PCDHGB1: variants seen among roughly 807,000 people sequenced by gnomAD.
PCDHGB1 encodes the protein protocadherin gamma-B1.
In PCDHGB1, 34 loss-of-function variants were observed where a neutral mutation model predicts 56.6. That is an observed-to-expected ratio of 0.60 (90% CI 0.46 to 0.80). The LOEUF is 0.80. Ranked by LOEUF, PCDHGB1 falls within the 30% of genes least tolerant of loss-of-function variation. The probability of loss-of-function intolerance (pLI) is 0.00; values close to 1 mark genes in which losing one functional copy is unlikely to be tolerated. For missense variants in PCDHGB1, 1,278 were observed against 1,204.6 expected, an observed-to-expected ratio of 1.06 and a Z score of -0.90; for synonymous variants, 561 against 505.9, an observed-to-expected ratio of 1.11 and a Z score of -1.46.
chr5:141,422,310 T>A, intron 1 of PCDHGB1: 1 of 1,546,532 alleles, frequency 6.5e-7, no homozygotes, highest in Non-Finnish European at 8.7e-7. Flanking sequence ...TGGAAAACTC[T>A]CCTCCAGGTA....
intron 1 of PCDHGB1, chr5:141,361,485 A>T (rs1762045132): frequency 2.5e-6 from 4 of 1,614,034 alleles, no homozygotes; most frequent in Non-Finnish European, 3.4e-6. Flanking sequence ...ATAATGCCCC[A>T]GTTTTCCAAC....
intron 1 of PCDHGB1, chr5:141,372,326 C>T (rs760968250): frequency 3.3e-5 from 54 of 1,613,610 alleles, no homozygotes; most frequent in Non-Finnish European, 4.3e-5. Context: ...GCCTGCTGGT[C>T]ACTGTGCGTG....
At chr5:141,360,192 C>G (rs754322623) in intron 1 of PCDHGB1, 2 of 1,611,798 alleles carry the variant, frequency 1.2e-6, no homozygotes, top group Non-Finnish European at 1.7e-6. Context: ...TACTGTTGCC[C>G]TTCCTGTTGT....
At chr5:141,420,311 T>C (rs762191274) in intron 1 of PCDHGB1, 102 of 1,454,698 alleles carry the variant, frequency 7.0e-5, no homozygotes, top group Non-Finnish European at 9.3e-5. Flanking sequence ...CTTTTTATAT[T>C]ACAATATGCC....
chr5:141,394,077 G>T (rs2092915591), intron 1 of PCDHGB1: 2 of 1,613,828 alleles, frequency 1.2e-6, no homozygotes, highest in Non-Finnish European at 1.7e-6. Context: ...CAATATCACA[G>T]TGATGGCCTC....
chr5:141,455,495 G>C (rs2098824459), intron 1 of PCDHGB1, among the ~76,000 whole-genome samples: 1 of 152,204 alleles, frequency 6.6e-6, no homozygotes, highest in East Asian at 1.9e-4. Flanking sequence ...GGTGATGTCT[G>C]ATTTGCATAG....
At chr5:141,437,249 T>G (rs2097870737) in intron 1 of PCDHGB1, among the ~76,000 whole-genome samples, 1 of 152,240 alleles carries the variant, frequency 6.6e-6, no homozygotes, top group African/African-American at 2.4e-5. Context: ...GGACTTTCCT[T>G]GTCTTTTTAT....
rs748105196 is a variant in PCDHGB1 at position 141,486,849 on chromosome 5, A to G, written c.2410-7958A>G. ...GTTCGTCTATTTGTGCTGGACCTCA[A>G]TGACAATGCTCCAGCTGTGCTCCGT... is the stretch of plus-strand genomic sequence containing the variant. On this transcript the variant is annotated intron_variant, in intron 1 of 3. Coordinates refer to ENST00000523390, the MANE Select transcript of PCDHGB1 (RefSeq NM_018922.3). The surrounding 1 kb of genome is among the most constrained non-coding windows in gnomAD (Gnocchi z 5.0). 4.3e-6 allele frequency: 7 copies of G among 1,614,110 alleles called. No individual in the cohort carries two copies. The highest frequency in any genetic ancestry group is 5.1e-6 in the Non-Finnish European group (6 of 1,180,036).
chr5:141,432,511 C>T lies in PCDHGB1; in HGVS notation c.2410-62296C>T. ...AGCTGGCTCCCCGCTCCGCAGAGCC[C>T]GGCTACCTGGTGACCAAGGTGGTGG... is the stretch of plus-strand genomic sequence containing the variant. On this transcript the variant is annotated intron_variant, in intron 1 of 3. Coordinates refer to ENST00000523390, the MANE Select transcript of PCDHGB1 (RefSeq NM_018922.3). This position sits in a 1 kb window ranked among gnomAD's most constrained non-coding sequence, Gnocchi z 6.0. 1 of 1,614,118 alleles carries T rather than the reference C, an allele frequency of 6.2e-7. No homozygotes were observed. The highest frequency in any genetic ancestry group is 8.5e-7 in the Non-Finnish European group (1 of 1,180,042).
chr5:141,407,088 GT>G lies in PCDHGB1; in HGVS notation c.2409+54423del, dbSNP rs571130014. Among the ~76,000 whole-genome samples, 18 of 152,174 alleles carry G rather than the reference GT, an allele frequency of 1.2e-4. No individual in the cohort carries two copies. The East Asian group carries it at 3.5e-3, about 29-fold the overall frequency. On this transcript the variant is annotated intron_variant, in intron 1 of 3. Coordinates refer to ENST00000523390, the MANE Select transcript of PCDHGB1 (RefSeq NM_018922.3). ...GGCATTTCTGTGGAAATGAAGAATT[GT>G]TTTATTTGTTTGTAATTATTTGGGT...
At position 141,352,154 on chromosome 5, in the gene PCDHGB1, G is replaced by A. The variant is rs770780067; in HGVS notation, c.1894G>A (p.Asp632Asn). 4 of 1,612,750 alleles carry A rather than the reference G, an allele frequency of 2.5e-6. No individual in the cohort carries two copies. The highest frequency in any genetic ancestry group is 3.4e-6 in the Non-Finnish European group (4 of 1,179,534). Residue 632 changes from aspartate (D) to asparagine (N), a missense_variant, in exon 1 of 4, where the codon GAC (aspartate) becomes AAC (asparagine). Physicochemically the swap from Asp to Asn is conservative, Grantham distance 23. Coordinates refer to ENST00000523390, the MANE Select transcript of PCDHGB1 (RefSeq NM_018922.3). ...CACAGCGCGTGCCTTGGGCGACAGG[G>A]ACGCGGCCCGCCAGCGCCTGCTGGT... ...VRTARALGDR[D>N]AARQRLLVAV...
chr5:141,364,215 A>G, intron 1 of PCDHGB1: 1 of 1,300,530 alleles, frequency 7.7e-7, no homozygotes, highest in South Asian at 1.7e-5. Context: ...AGCTCCTACG[A>G]AAAGCCAACG....
At chr5:141,435,362 C>A (rs2097758711) in intron 1 of PCDHGB1, among the ~76,000 whole-genome samples, 1 of 152,120 alleles carries the variant, frequency 6.6e-6, no homozygotes, top group Admixed American at 6.6e-5. Flanking sequence ...AAAATTTTAT[C>A]ACTTAAATAT....
At chr5:141,410,413 T>C (rs1229133377) in intron 1 of PCDHGB1, 10 of 1,613,938 alleles carry the variant, frequency 6.2e-6, no homozygotes, top group Non-Finnish European at 8.5e-6. Context: ...AGTCTGGACC[T>C]GTAGTTCCCC....
intron 1 of PCDHGB1, chr5:141,361,952 A>G (rs748413942): frequency 4.4e-6 from 7 of 1,603,624 alleles, no homozygotes; most frequent in East Asian, 2.2e-5. Context: ...TGGCTGTCCT[A>G]CCACGTGCTG....
chr5:141,362,412 A>G (rs369877843), intron 1 of PCDHGB1: 98 of 1,613,916 alleles, frequency 6.1e-5, no homozygotes, highest in Non-Finnish European at 8.1e-5. Context: ...TTGCCTCACA[A>G]TCAGCCAAGA....
chr5:141,396,595 G>C (rs1227428439), intron 1 of PCDHGB1: 1 of 151,972 alleles, frequency 6.6e-6, no homozygotes, highest in African/African-American at 2.4e-5. Flanking sequence ...ACTCCAGCCT[G>C]GGCAACAGGG....
intron 1 of PCDHGB1, among the ~76,000 whole-genome samples, chr5:141,382,440 G>T (rs1184288404): frequency 6.6e-6 from 1 of 152,174 alleles, no homozygotes; most frequent in Non-Finnish European, 1.5e-5. Flanking sequence ...TCACTTGAAA[G>T]TTGCAAGGCA....
rs756612454 is a variant in PCDHGB1, at chr5:141,372,732, C to A, written c.2409+20063C>A. On this transcript the variant is annotated intron_variant, in intron 1 of 3. Coordinates refer to ENST00000523390, the MANE Select transcript of PCDHGB1 (RefSeq NM_018922.3). Reference sequence around the variant, plus strand: ...GGCTGAAAATGCTGCACCACAAGATCTTCTATGTGATGAAGCCTCTTGGTT... The same window carrying A: ...GGCTGAAAATGCTGCACCACAAGATATTCTATGTGATGAAGCCTCTTGGTT... 8 of 1,613,376 alleles carry A rather than the reference C, an allele frequency of 5.0e-6. No homozygotes were observed. In the South Asian group the frequency reaches 8.8e-5, roughly 18 times the overall value.
Sources: gnomAD v4.1 joint callset for allele counts (sites outside exome capture counted in the v4.1 genomes callset) on GRCh38, gnomAD v4.1.1 for gene constraint, Gnocchi (gnomAD v3.1) non-coding constraint, MANE v1.5 for transcripts, NCBI Gene and HGNC (gene_info 2026-07-23, HGNC 2026-07-21) for gene names.